Variants in GPSM1 observed in about 807,000 individuals in gnomAD.
GPSM1 encodes the protein G protein signaling modulator 1, also known as G protein-signaling modulator 1.
In GPSM1, 48 loss-of-function variants were observed where a neutral mutation model predicts 70.5. That is an observed-to-expected ratio of 0.68 (90% CI 0.54 to 0.87). The LOEUF is 0.87. Ranked by LOEUF, GPSM1 falls within the 40% of genes least tolerant of loss-of-function variation. The pLI is 0.00. For missense variants in GPSM1, 981 were observed against 972.6 expected, an observed-to-expected ratio of 1.01 and a Z score of -0.11; for synonymous variants, 416 against 430.1, an observed-to-expected ratio of 0.97 and a Z score of 0.41.
rs144719402 is a variant in GPSM1 at position 136,329,421 on chromosome 9, G to A, written c.68+1658G>A. On this transcript the variant is annotated intron_variant, in intron 1 of 13. Transcript: ENST00000440944. ...GGCCAGTGGAAGCTGCGGGCCAGACGGGAGGGCCCTTTGCTGTCATGCTGG... is the reference window on the plus strand; with the variant it reads ...GGCCAGTGGAAGCTGCGGGCCAGACAGGAGGGCCCTTTGCTGTCATGCTGG... 4.4e-3 allele frequency among the ~76,000 whole-genome samples: 678 copies of A among 152,364 alleles called. 3 individuals carry two copies. The highest frequency in any genetic ancestry group is 7.2e-3 in the Non-Finnish European group (489 of 68,036).
chr9:136,350,317 G>T (rs1384426648), intron 11 of GPSM1, among the ~76,000 whole-genome samples: 2 of 152,224 alleles, frequency 1.3e-5, no homozygotes, highest in African/African-American at 4.8e-5. Flanking sequence ...TCCTACCAGG[G>T]CCCTGGAGGG....
chr9:136,354,571 C>G (rs375644657), intron 11 of GPSM1, among the ~76,000 whole-genome samples: 48 of 152,354 alleles, frequency 3.2e-4, no homozygotes, highest in African/African-American at 1.0e-3. Flanking sequence ...CGGGCAGGGG[C>G]TGCCAGCGCC....
At chr9:136,331,066 C>T (rs2131391010) in intron 1 of GPSM1, among the ~76,000 whole-genome samples, 1 of 152,196 alleles carries the variant, frequency 6.6e-6, no homozygotes, top group African/African-American at 2.4e-5. Context: ...ATAAGACCTG[C>T]CCCCCCAGTC....
Position 136,327,776 on chromosome 9 carries a change from G to A in GPSM1, c.68+13G>A, listed in dbSNP as rs62579957. ...GCCTCTACTCCAGGTAGGACGGGCC[G>A]GGGCCGGGGCCGGGGCCGGGGCTGG... On this transcript the variant is annotated intron_variant, in intron 1 of 13. Coordinates refer to ENST00000440944, the MANE Select transcript of GPSM1 (RefSeq NM_001145638.3). The A allele has an allele frequency of 0.37, 395,017 of 1,071,938 alleles. 74,007 individuals carry two copies. Among genetic ancestry groups the A allele is most frequent in the Middle Eastern group, 0.48 (1,332 of 2,766 alleles). 66.4% of individuals were successfully genotyped at this position (1,071,938 alleles called of 1,614,324 possible).
Position 136,327,662 on chromosome 9 carries a change from G to C in GPSM1, c.-34G>C. On this transcript the variant is annotated 5_prime_UTR_variant, in exon 1 of 14. Coordinates refer to ENST00000440944, the MANE Select transcript of GPSM1 (RefSeq NM_001145638.3). ...GGGGCGGACGGCCACGGCGCGGGGG[G>C]CGCTCCCGGCTCCCGCTCCCGCGTC... The C allele has an allele frequency of 1.2e-6, 1 of 859,554 alleles. No homozygotes were observed. Among genetic ancestry groups the C allele is most frequent in the Non-Finnish European group, 1.4e-6 (1 of 694,112 alleles). The allele number at this position is 859,554 out of a possible 1,614,324, so 53.2% of individuals were successfully genotyped here. A position where few individuals can be genotyped will look rare whatever the true frequency, so the allele number is the denominator to read the frequency against.
intron 9 of GPSM1, among the ~76,000 whole-genome samples, chr9:136,344,549 C>G (rs1236359061): frequency 1.3e-5 from 2 of 152,290 alleles, no homozygotes; most frequent in South Asian, 2.1e-4. Context: ...CTTAAGGCCA[C>G]TTGTCATTAT....
rs1832424655 is a variant in GPSM1, at chr9:136,342,750, G to T, written c.1207+1757G>T. On this transcript the variant is annotated intron_variant, in intron 9 of 13. Coordinates refer to ENST00000440944, the MANE Select transcript of GPSM1 (RefSeq NM_001145638.3). This position sits in a 1 kb window ranked among gnomAD's most constrained non-coding sequence, Gnocchi z 5.5. ...CAGGTGCGGAGGGCGGGGTGGATCT[G>T]CGAGCTGCGGGAGGGGAGGGGGGTG... Among the ~76,000 whole-genome samples the T allele has an allele frequency of 6.6e-6, 1 of 151,950 alleles. No homozygotes were observed. Among genetic ancestry groups the T allele is most frequent in the South Asian group, 2.1e-4 (1 of 4,810 alleles).
In GPSM1 at chr9:136,336,904, C is replaced by G; in HGVS notation, c.427-17C>G. ...GGGCCGTGGAGGCATGCCCCCAACC[C>G]TCCGTACTGCCCACAGGTTGGGGAG... On this transcript the variant is annotated splice_polypyrimidine_tract_variant and intron_variant, in intron 3 of 13. Coordinates refer to ENST00000440944, the MANE Select transcript of GPSM1 (RefSeq NM_001145638.3). 1.3e-6 allele frequency: 2 copies of G among 1,549,598 alleles called. No homozygotes were observed. Among genetic ancestry groups the G allele is most frequent in the Non-Finnish European group, 8.7e-7 (1 of 1,146,452 alleles).
intron 11 of GPSM1, chr9:136,354,806 G>A (rs1832768592): frequency 2.0e-6 from 2 of 988,040 alleles, no homozygotes; most frequent in South Asian, 9.1e-5. Flanking sequence ...CACCGGTGAG[G>A]GCTGTGTAGG....
At chr9:136,345,749 C>T (rs1472132692) in intron 9 of GPSM1, among the ~76,000 whole-genome samples, 2 of 152,180 alleles carry the variant, frequency 1.3e-5, no homozygotes, top group African/African-American at 4.8e-5. Flanking sequence ...GTGAAGGGCC[C>T]GCCCCAGCAC....
At chr9:136,351,198 T>G (rs1286181516) in intron 11 of GPSM1, among the ~76,000 whole-genome samples, 2 of 151,920 alleles carry the variant, frequency 1.3e-5, no homozygotes, top group Non-Finnish European at 2.9e-5. Context: ...CAGCCTACCT[T>G]CCCCTCATTC....
Position 136,327,759 on chromosome 9 carries a change from T to C in GPSM1, c.64T>C (p.Ser22Pro). The C allele has an allele frequency of 8.5e-7, 1 of 1,177,580 alleles. No individual in the cohort carries two copies. Among genetic ancestry groups the C allele is most frequent in the South Asian group, 4.0e-5 (1 of 25,114 alleles). The allele number at this position is 1,177,580 out of a possible 1,614,324, so 72.9% of individuals were successfully genotyped here. A position where few individuals can be genotyped will look rare whatever the true frequency, so the allele number is the denominator to read the frequency against. ...LPGPAARRLYSRMEASCLELA... is the reference protein window; with the variant it reads ...LPGPAARRLYPRMEASCLELA... ...GGGCCCGGCCGCCAGGCGCCTCTAC[T>C]CCAGGTAGGACGGGCCGGGGCCGGG... The change falls in exon 1 of 14, where the codon TCC (serine) becomes CCC (proline). Residue 22 changes from serine (S) to proline (P), a missense_variant. Ser to Pro is a moderately conservative substitution (Grantham distance 74, BLOSUM62 -1). Transcript: ENST00000440944.
Position 136,340,814 on chromosome 9 carries a change from G to A in GPSM1, c.1084-56G>A. 2 of 1,513,668 alleles carry A rather than the reference G, an allele frequency of 1.3e-6. No individual in the cohort carries two copies. The highest frequency in any genetic ancestry group is 8.8e-7 in the Non-Finnish European group (1 of 1,135,212). 93.8% of individuals were successfully genotyped at this position (1,513,668 alleles called of 1,614,324 possible). ...TGGGGGCCATTAAGGTCCCCTTGGAGCCCACAGCAGGGCCCCCAGCCACAC... is the reference window on the plus strand; with the variant it reads ...TGGGGGCCATTAAGGTCCCCTTGGAACCCACAGCAGGGCCCCCAGCCACAC... On this transcript the variant is annotated intron_variant, in intron 8 of 13. Transcript: ENST00000440944. This position sits in a 1 kb window ranked among gnomAD's most constrained non-coding sequence, Gnocchi z 7.3.
In GPSM1 at chr9:136,337,964, A is replaced by C; in HGVS notation, c.818+3A>C. 1 of 1,586,404 alleles carries C rather than the reference A, an allele frequency of 6.3e-7. No individual in the cohort carries two copies. Among genetic ancestry groups the C allele is most frequent in the South Asian group, 1.1e-5 (1 of 89,912 alleles). ...GACGTGGCCGCCGAGTACTACAAGTAGGTGGTCCCCACAATCTCCCAGGGA... is the reference window on the plus strand; with the variant it reads ...GACGTGGCCGCCGAGTACTACAAGTCGGTGGTCCCCACAATCTCCCAGGGA... On this transcript the variant is annotated splice_donor_region_variant and intron_variant, in intron 6 of 13. Coordinates refer to ENST00000440944, the MANE Select transcript of GPSM1 (RefSeq NM_001145638.3).
intron 11 of GPSM1, 29 bp from the exon 12 acceptor site, chr9:136,355,661 T>C (rs1832794587): frequency 6.2e-7 from 1 of 1,606,366 alleles, no homozygotes; most frequent in Admixed American, 1.7e-5. Context: ...GGGCTAGCTT[T>C]GGCTGCGGTG....
chr9:136,352,227 ATGC>A (rs1832689120), intron 11 of GPSM1, among the ~76,000 whole-genome samples: 1 of 62,778 alleles, frequency 1.6e-5, no homozygotes, highest in South Asian at 8.0e-4. Flanking sequence ...GGTGACACCG[ATGC>A]TGCGCCGTTG....
chr9:136,329,704 T>C (rs1416878462), intron 1 of GPSM1, among the ~76,000 whole-genome samples: 9 of 152,108 alleles, frequency 5.9e-5, no homozygotes, highest in African/African-American at 2.2e-4. Context: ...GCTTTTAAAA[T>C]GGGGAACTGT....
chr9:136,355,775 G>C lies in GPSM1; in HGVS notation c.1541G>C (p.Arg514Pro), dbSNP rs782271206. 3.1e-6 allele frequency: 5 copies of C among 1,612,364 alleles called. No homozygotes were observed. The highest frequency in any genetic ancestry group is 4.2e-6 in the Non-Finnish European group (5 of 1,179,526). ...CAGAGCAGCCGCATGGACGACCAGC[G>C]TTGTCCCCTGGACGATGGCCAGGCC... ...KFQSSRMDDQ[R>P]CPLDDGQAGA... Residue 514 changes from arginine (R) to proline (P), a missense_variant, in exon 12 of 14, where the codon CGT becomes CCT. Transcript: ENST00000440944.
chr9:136,351,773 C>G (rs373148276), intron 11 of GPSM1, among the ~76,000 whole-genome samples: 1 of 152,258 alleles, frequency 6.6e-6, no homozygotes, highest in Non-Finnish European at 1.5e-5. Flanking sequence ...CCCAGACAAA[C>G]GGGGTTCCCA....
Sources: gnomAD v4.1 joint callset for allele counts (sites outside exome capture counted in the v4.1 genomes callset) on GRCh38, gnomAD v4.1.1 for gene constraint, Gnocchi (gnomAD v3.1) non-coding constraint, MANE v1.5 for transcripts, NCBI Gene and HGNC (gene_info 2026-07-23, HGNC 2026-07-21) for gene names.